Variants in ADAMTS9 observed in about 807,000 individuals in gnomAD.
ADAMTS9 encodes A disintegrin and metalloproteinase with thrombospondin motifs 9.
Under a neutral mutation model 257.1 loss-of-function variants are expected in ADAMTS9, and 107 were observed. The observed-to-expected ratio is 0.42, with a 90% CI of 0.36 to 0.49. ADAMTS9 has a LOEUF of 0.49. Among genes scored for constraint, ADAMTS9 ranks in the 20% least tolerant of loss-of-function variants. The probability of loss-of-function intolerance (pLI) is 0.03; values close to 1 mark genes in which losing one functional copy is unlikely to be tolerated. For missense variants in ADAMTS9, 2,353 were observed against 2,469.1 expected (o/e 0.95, Z 1.00); for synonymous variants, 982 against 880.9 (o/e 1.11, Z -2.03).
chr3:64,604,183 A>T, intron 24 of ADAMTS9, 44 bp downstream of exon 24: 1 of 1,600,628 alleles, frequency 6.2e-7, no homozygotes, highest in Non-Finnish European at 8.5e-7. Context: ...TGAGAATGTT[A>T]GCCCCCATCC....
chr3:64,541,321 T>A lies in ADAMTS9; in HGVS notation c.5386A>T (p.Arg1796Trp). ...SENFSEVYGHRLHNPTECPYN... is the reference protein window; with the variant it reads ...SENFSEVYGHWLHNPTECPYN... ...ATCTTCTGAGCCTGGCTCTCCTACC[T>A]GTGCCCATAAACCTCGGAGAAATTC... Residue 1796 changes from arginine (R) to tryptophan (W), a missense_variant and splice_region_variant, in exon 35 of 40, where the codon AGG becomes TGG. By Grantham distance (101) the Arg-to-Trp change is moderately radical. Around this residue, in one of 3 missense-constraint regions of ADAMTS9, gnomAD observed 1,402 missense variants for 1,441.4 expected, o/e 0.97. Transcript: ENST00000498707. The A allele has an allele frequency of 6.2e-7, 1 of 1,614,214 alleles. No individual in the cohort carries two copies. The highest frequency in any genetic ancestry group is 8.5e-7 in the Non-Finnish European group (1 of 1,180,024).
At chr3:64,592,022 A>G (rs2084271613) in intron 28 of ADAMTS9, among the ~76,000 whole-genome samples, 1 of 152,212 alleles carries the variant, frequency 6.6e-6, no homozygotes, top group Non-Finnish European at 1.5e-5. Flanking sequence ...TTACTAAGAT[A>G]TTATACCAAA....
At position 64,615,347 on chromosome 3, in the gene ADAMTS9, G is replaced by C. The variant is rs1475479140; in HGVS notation, c.3163C>G (p.Gln1055Glu). ...TCTGACCAGTCTCCAGATTTCCACT[G>C]TGGACAAGGGAACTCACTGCACCTC... ...IQRCSEFPCPQWKSGDWSECL... is the reference protein window; with the variant it reads ...IQRCSEFPCPEWKSGDWSECL... The change falls in exon 21 of 40, where the codon CAG becomes GAG. Residue 1055 changes from glutamine to glutamate, a missense_variant. By Grantham distance (29) the Gln-to-Glu change is conservative (BLOSUM62 2). Coordinates refer to ENST00000498707, the MANE Select transcript of ADAMTS9 (RefSeq NM_182920.2). 1 of 1,613,934 alleles carries C rather than the reference G, an allele frequency of 6.2e-7. No individual in the cohort carries two copies. The highest frequency in any genetic ancestry group is 1.7e-5 in the Admixed American group (1 of 60,022).
intron 3 of ADAMTS9, among the ~76,000 whole-genome samples, chr3:64,678,756 T>C (rs1051423152): frequency 4.6e-5 from 7 of 152,216 alleles, no homozygotes; most frequent in African/African-American, 1.4e-4. Flanking sequence ...GACCTGTTGG[T>C]CCATTCCTCT....
At chr3:64,602,769 C>G (rs1364279508) in intron 25 of ADAMTS9, among the ~76,000 whole-genome samples, 1 of 152,212 alleles carries the variant, frequency 6.6e-6, no homozygotes, top group Non-Finnish European at 1.5e-5. Context: ...TCCCATCTTT[C>G]TCTATTCCAC....
rs745809499 is a variant in ADAMTS9, at chr3:64,681,194, C to A, written c.679+7G>T. 2 of 1,609,870 alleles carry A rather than the reference C, an allele frequency of 1.2e-6. No homozygotes were observed. The highest frequency in any genetic ancestry group is 1.7e-6 in the Non-Finnish European group (2 of 1,178,662). Reference sequence around the variant, plus strand: ...CTGGGCTCTCCGCTTAAGCAAGAAGCAAATACCTGAGGTGTCACATGCATG... The same window carrying A: ...CTGGGCTCTCCGCTTAAGCAAGAAGAAAATACCTGAGGTGTCACATGCATG... On this transcript the variant is annotated splice_region_variant and intron_variant, in intron 3 of 39. Transcript: ENST00000498707.
At chr3:64,655,539 G>C (rs1701046544) in intron 6 of ADAMTS9, 37 bp downstream of exon 6, 2 of 1,530,434 alleles carry the variant, frequency 1.3e-6, no homozygotes, top group South Asian at 1.1e-5. Flanking sequence ...AACTTGACCT[G>C]AGACTGAAAG....
intron 31 of ADAMTS9, among the ~76,000 whole-genome samples, chr3:64,549,088 A>G (rs2083238335): frequency 6.6e-6 from 1 of 152,156 alleles, no homozygotes; most frequent in Non-Finnish European, 1.5e-5. Context: ...TCTAGAGAGG[A>G]TGCTGGTGCC....
rs115317865 is a variant in ADAMTS9, at chr3:64,634,702, T to C, written c.1857-823A>G. 4.8e-4 allele frequency among the ~76,000 whole-genome samples: 73 copies of C among 152,252 alleles called. 2 individuals are homozygous for C. In the East Asian group the frequency reaches 0.011, roughly 23 times the overall value. ...AGGAAGATCACAGAATCGTAGGACGTTGGGGCTCACTCACCCAGGGCTGAA... is the reference window on the plus strand; with the variant it reads ...AGGAAGATCACAGAATCGTAGGACGCTGGGGCTCACTCACCCAGGGCTGAA... On this transcript the variant is annotated intron_variant, in intron 12 of 39. Coordinates refer to ENST00000498707, the MANE Select transcript of ADAMTS9 (RefSeq NM_182920.2).
intron 3 of ADAMTS9, among the ~76,000 whole-genome samples, chr3:64,660,039 A>G (rs141673099): frequency 2.0e-4 from 31 of 152,324 alleles, no homozygotes; most frequent in Non-Finnish European, 3.1e-4. Flanking sequence ...TGCATCATCA[A>G]CTATGCAATA....
intron 12 of ADAMTS9, among the ~76,000 whole-genome samples, chr3:64,639,296 T>TTTG (rs1700576970): frequency 7.0e-6 from 1 of 143,560 alleles, no homozygotes; most frequent in African/African-American, 2.6e-5. Context: ...GTGGATTGTT[T>TTTG]TTTTTTTTTT....
chr3:64,516,841 A>G lies in ADAMTS9; in HGVS notation c.*286T>C, dbSNP rs2082781132. ...ATTACTACATGCAAAGGCAGTCATA[A>G]TAGAATCATTTTACGTACAAAAATA... On this transcript the variant is annotated 3_prime_UTR_variant, in exon 40 of 40. Transcript: ENST00000498707. 6.6e-6 allele frequency: 1 copy of G among 152,668 alleles called. No individual in the cohort carries two copies. The allele number at this position is 152,668 out of a possible 1,614,324, so 9.5% of individuals were successfully genotyped here. A position where few individuals can be genotyped will look rare whatever the true frequency, so the allele number is the denominator to read the frequency against.
intron 28 of ADAMTS9, among the ~76,000 whole-genome samples, chr3:64,592,936 G>T (rs1447229920): frequency 3.3e-5 from 5 of 152,152 alleles, no homozygotes; most frequent in Non-Finnish European, 7.4e-5. Flanking sequence ...TATAATAGGA[G>T]ATGAGGGAAG....
chr3:64,619,265 G>A (rs1358988084), intron 19 of ADAMTS9, among the ~76,000 whole-genome samples: 1 of 152,080 alleles, frequency 6.6e-6, no homozygotes, highest in Non-Finnish European at 1.5e-5. Context: ...GAAAAAACAG[G>A]TAAGGGGCTC....
chr3:64,673,515 C>T (rs868773322), intron 3 of ADAMTS9, among the ~76,000 whole-genome samples: 3 of 152,084 alleles, frequency 2.0e-5, no homozygotes, highest in Non-Finnish European at 4.4e-5. Context: ...ACAGCGATGA[C>T]GACAACAAAG....
intron 16 of ADAMTS9, among the ~76,000 whole-genome samples, chr3:64,624,055 C>T (rs907445326): frequency 6.7e-6 from 1 of 149,800 alleles, no homozygotes; most frequent in African/African-American, 2.5e-5. Context: ...GTGGTAAATG[C>T]CAGGGGCAGG....
chr3:64,684,344 C>A (rs1452161530), intron 2 of ADAMTS9, among the ~76,000 whole-genome samples: 1 of 75,822 alleles, frequency 1.3e-5, no homozygotes, highest in Non-Finnish European at 3.4e-5. Context: ...AGGCGGGCGA[C>A]CCATCTCAGA....
rs76235787 is a variant in ADAMTS9, at chr3:64,647,463, A to T, written c.1710+477T>A. The stretch of plus-strand genomic sequence containing the variant: ...ATTTGGATATATCCTGAATGACATT[A>T]TAGCTCCTTAAAGGGAACAACACCG... On this transcript the variant is annotated intron_variant, in intron 11 of 39. Coordinates refer to ENST00000498707, the MANE Select transcript of ADAMTS9 (RefSeq NM_182920.2). Among the ~76,000 whole-genome samples, 228 of 152,344 alleles carry T rather than the reference A, an allele frequency of 1.5e-3. 5 individuals carry two copies. The East Asian group carries it at 0.041, about 27-fold the overall frequency.
intron 3 of ADAMTS9, among the ~76,000 whole-genome samples, chr3:64,660,192 T>C (rs1365391525): frequency 6.6e-6 from 1 of 152,216 alleles, no homozygotes; most frequent in Non-Finnish European, 1.5e-5. Flanking sequence ...AACAGAATTG[T>C]ACAATGAAGA....
Sources: gnomAD v4.1 joint callset for allele counts (sites outside exome capture counted in the v4.1 genomes callset) on GRCh38, gnomAD v4.1.1 for gene constraint, gnomAD v4.1.1 regional missense constraint, MANE v1.5 for transcripts, NCBI Gene and HGNC (gene_info 2026-07-23, HGNC 2026-07-21) for gene names.